ECM2: variants seen among roughly 807,000 people sequenced by gnomAD.
The protein encoded by ECM2 is extracellular matrix protein 2, also known as extracellular matrix protein 2, female organ and adipocyte specific.
A neutral mutation model predicts 67.5 loss-of-function variants in ECM2; 57 were observed. The observed-to-expected ratio is 0.84, with a 90% CI of 0.68 to 1.05. The LOEUF (loss-of-function observed/expected upper bound fraction) is 1.05, where lower values mean the gene tolerates loss of function less well. Ranked by LOEUF, ECM2 falls within the 50% of genes least tolerant of loss-of-function variation. The pLI, the probability that ECM2 is intolerant of heterozygous loss-of-function variation, is 0.00. For missense variants in ECM2, 741 were observed against 822.8 expected, an observed-to-expected ratio of 0.90 and a Z score of 1.22; for synonymous variants, 258 against 294.5, an observed-to-expected ratio of 0.88 and a Z score of 1.27.
At chr9:92,531,692 A>G (rs1236383683) in intron 1 of ECM2, among the ~76,000 whole-genome samples, 1 of 152,084 alleles carries the variant, frequency 6.6e-6, no homozygotes, top group Non-Finnish European at 1.5e-5. Context: ...TCAATTGAGA[A>G]CCACTTGTTT....
chr9:92,503,027 C>T lies in ECM2; in HGVS notation c.1465-375G>A, dbSNP rs113716615. ...CTCACCATGTTGCTCAGGCTGGTCT[C>T]GAACTCCTAAGCTCAAGTGATCTAC... is the stretch of plus-strand genomic sequence containing the variant. On this transcript the variant is annotated intron_variant, in intron 7 of 9. Coordinates refer to ENST00000344604, the MANE Select transcript of ECM2 (RefSeq NM_001393.4). Among the ~76,000 whole-genome samples, 17 of 151,846 alleles carry T rather than the reference C, an allele frequency of 1.1e-4. 1 individual carries two copies. The highest frequency in any genetic ancestry group is 3.9e-4 in the African/African-American group (16 of 41,410).
rs764113489 is a variant in ECM2 at position 92,515,065 on chromosome 9, C to T, written c.620G>A (p.Arg207Lys). 1.9e-6 allele frequency: 3 copies of T among 1,613,966 alleles called. No homozygotes were observed. The highest frequency in any genetic ancestry group is 1.6e-4 in the Middle Eastern group (1 of 6,084). ...CTCCTCAGATTGAAGTGCTTCTTTT[C>T]TTACTATTCGGTCCATTCCCACCTG... Reference protein sequence around the residue: ...PPQVGMDRIVRKEALQSEEDE... With the variant: ...PPQVGMDRIVKKEALQSEEDE... The change falls in exon 4 of 10, where the codon AGA (arginine) becomes AAA (lysine). Residue 207 changes from arginine (R) to lysine (K), a missense_variant. By Grantham distance (26) the Arg-to-Lys change is conservative. Coordinates refer to ENST00000344604, the MANE Select transcript of ECM2 (RefSeq NM_001393.4).
At chr9:92,496,543 T>G in intron 9 of ECM2, 60 bp from the exon 10 acceptor site, 1 of 1,558,130 alleles carries the variant, frequency 6.4e-7, no homozygotes, top group Non-Finnish European at 8.6e-7. Context: ...CCTTTAGGAG[T>G]TAAGTTTAAC....
chr9:92,522,450 G>A (rs1848132590), intron 2 of ECM2, 125 bp downstream of exon 2: 5 of 1,093,168 alleles, frequency 4.6e-6, no homozygotes, highest in Non-Finnish European at 6.2e-6. Flanking sequence ...ATAATAACCT[G>A]GATTTTTCTT....
At chr9:92,535,840 T>C in intron 1 of ECM2, 93 bp downstream of exon 1, 1 of 348,624 alleles carries the variant, frequency 2.9e-6, no homozygotes, top group Non-Finnish European at 5.5e-6. Context: ...CGAGCTAATT[T>C]ACTCAAGAGT....
the ECM2 span, among the ~76,000 whole-genome samples, chr9:92,556,719 T>G: frequency 6.6e-6 from 1 of 152,218 alleles, no homozygotes; most frequent in Admixed American, 6.5e-5. Context: ...TAAGTGTATG[T>G]GAGTCCTTAT....
intron 6 of ECM2, among the ~76,000 whole-genome samples, chr9:92,508,788 T>C (rs1404006898): frequency 3.9e-5 from 6 of 152,194 alleles, no homozygotes; most frequent in Non-Finnish European, 7.3e-5. Flanking sequence ...CCTGTGAAGT[T>C]TTTTGGGAGC....
upstream of ECM2, among the ~76,000 whole-genome samples, chr9:92,538,865 A>T (rs1169384974): frequency 6.6e-6 from 1 of 152,198 alleles, no homozygotes; most frequent in Non-Finnish European, 1.5e-5. Flanking sequence ...AGACTCTAGG[A>T]CATTTCTTTC....
At chr9:92,501,784 A>T (rs1846694243) in intron 8 of ECM2, among the ~76,000 whole-genome samples, 1 of 152,116 alleles carries the variant, frequency 6.6e-6, no homozygotes, top group Non-Finnish European at 1.5e-5. Context: ...TGTGCTACTT[A>T]GGCACATAGT....
At chr9:92,516,724 C>T (rs989474501) in intron 3 of ECM2, 2 of 152,158 alleles carry the variant, frequency 1.3e-5, no homozygotes, top group Non-Finnish European at 2.9e-5. Context: ...ACTTTGTAAA[C>T]CTTGTATTTA....
chr9:92,517,891 A>G lies in ECM2; in HGVS notation c.293-16T>C, dbSNP rs143684239. 1.4e-3 allele frequency: 2,335 copies of G among 1,613,170 alleles called. 2 individuals carry two copies. Among genetic ancestry groups the G allele is most frequent in the Non-Finnish European group, 1.6e-3 (1,875 of 1,179,474 alleles). On this transcript the variant is annotated splice_polypyrimidine_tract_variant and intron_variant, in intron 2 of 9. Coordinates refer to ENST00000344604, the MANE Select transcript of ECM2 (RefSeq NM_001393.4). ...CCCTTCTTTCCTAGAAGAAAACAAA[A>G]GCACAAATTTAAATTTCTTATGTGA...
At chr9:92,543,469 C>A in the ECM2 span, among the ~76,000 whole-genome samples, 1 of 63,096 alleles carries the variant, frequency 1.6e-5, no homozygotes. Context: ...GAAACCCTGT[C>A]TCAAAAAAAA....
chr9:92,510,717 A>G (rs115313639), intron 5 of ECM2, among the ~76,000 whole-genome samples: 1 of 152,216 alleles, frequency 6.6e-6, no homozygotes, highest in South Asian at 2.1e-4. Context: ...TCCAGTGATC[A>G]TATTCAAATT....
the ECM2 span, among the ~76,000 whole-genome samples, chr9:92,549,310 A>T: frequency 6.6e-6 from 1 of 152,228 alleles, no homozygotes; most frequent in Admixed American, 6.5e-5. Flanking sequence ...CAGCTGAGCT[A>T]CTTGATGAGG....
chr9:92,532,867 C>G (rs1848882896), intron 1 of ECM2, among the ~76,000 whole-genome samples: 1 of 151,836 alleles, frequency 6.6e-6, no homozygotes, highest in Admixed American at 6.6e-5. Context: ...CTTCATATAC[C>G]TGATGACCTT....
At chr9:92,546,581 G>A in the ECM2 span, among the ~76,000 whole-genome samples, 1 of 151,998 alleles carries the variant, frequency 6.6e-6, no homozygotes. Context: ...GCGAGACCAC[G>A]AACCCACCAG....
At chr9:92,500,526 T>C (rs983358777) in intron 9 of ECM2, among the ~76,000 whole-genome samples, 10 of 152,172 alleles carry the variant, frequency 6.6e-5, no homozygotes, top group African/African-American at 1.9e-4. Flanking sequence ...TGTGCAAAAG[T>C]AGGAAAAGCT....
the ECM2 span, among the ~76,000 whole-genome samples, chr9:92,558,180 G>A: frequency 1.3e-5 from 2 of 152,110 alleles, no homozygotes; most frequent in African/African-American, 4.8e-5. Flanking sequence ...CATTGCTGGT[G>A]AACTAATGTG....
At chr9:92,543,520 G>A in the ECM2 span, among the ~76,000 whole-genome samples, 1 of 149,994 alleles carries the variant, frequency 6.7e-6, no homozygotes, top group Non-Finnish European at 1.5e-5. Flanking sequence ...AGCTATTCAG[G>A]GTCTTTTGTG....
Sources: allele counts gnomAD v4.1 joint callset (sites outside exome capture counted in the v4.1 genomes callset), GRCh38; gene constraint gnomAD v4.1.1; transcripts MANE v1.5; gene names NCBI Gene and HGNC (gene_info 2026-07-23, HGNC 2026-07-21).